The following IL16 variants were observed in gnomAD, a reference collection of about 807,000 sequenced individuals.
The protein encoded by IL16 is interleukin 16.
Under a neutral mutation model 110.1 loss-of-function variants are expected in IL16, and 67 were observed. The observed-to-expected ratio is 0.61, with a 90% CI of 0.50 to 0.75. The LOEUF is 0.75. IL16 is among the 30% of genes least tolerant of loss of function. The pLI is 0.00. For synonymous variants in IL16, 689 were observed against 662.9 expected (o/e 1.04, Z -0.61); for missense variants, 1,545 against 1,655.0 (o/e 0.93, Z 1.15).
Position 81,265,716 on chromosome 15 carries a change from C to A in IL16, c.479C>A (p.Ala160Glu). 1 of 1,613,750 alleles carries A rather than the reference C, an allele frequency of 6.2e-7. No homozygotes were observed. Among genetic ancestry groups the A allele is most frequent in the Non-Finnish European group, 8.5e-7 (1 of 1,179,746 alleles). ...IDFPMTKKSA[A>E]PTDRQPYSLC... ...TTTCCAATGACCAAGAAATCTGCAG[C>A]GCCCACGGACAGGCAGCCTTACTCT... The change falls in exon 4 of 19, where the codon GCG becomes GAG. Residue 160 changes from alanine (A) to glutamate (E), a missense_variant. By Grantham distance (107) the Ala-to-Glu change is moderately radical. Coordinates refer to ENST00000683961, the MANE Select transcript of IL16 (RefSeq NM_172217.5).
chr15:81,282,607 G>C (rs143702320), intron 8 of IL16, 32 bp from the exon 9 acceptor site: 2 of 1,548,086 alleles, frequency 1.3e-6, no homozygotes, highest in East Asian at 2.3e-5. Flanking sequence ...GCTCAGTCCC[G>C]GTCTCCCCAC....
At chr15:81,300,824 TACTC>T (rs1481590062) in intron 14 of IL16, among the ~76,000 whole-genome samples, 2 of 152,218 alleles carry the variant, frequency 1.3e-5, no homozygotes, top group Non-Finnish European at 2.9e-5. Context: ...GTCCTGCGGT[TACTC>T]AGAAAGACCA....
chr15:81,187,673 A>G (rs959668854), intron 1 of IL16, among the ~76,000 whole-genome samples: 5 of 152,188 alleles, frequency 3.3e-5, no homozygotes, highest in African/African-American at 9.6e-5. Context: ...ATTTTTGCTG[A>G]TAATACACAA....
intron 14 of IL16, among the ~76,000 whole-genome samples, 173 bp downstream of exon 14, chr15:81,300,648 T>G (rs1054691852): frequency 1.3e-5 from 2 of 151,742 alleles, no homozygotes; most frequent in African/African-American, 2.4e-5. Flanking sequence ...TGTGTGTGTC[T>G]GTCTGTAGGT....
intron 10 of IL16, among the ~76,000 whole-genome samples, chr15:81,288,898 G>T (rs1055158262): frequency 6.6e-6 from 1 of 151,928 alleles, no homozygotes; most frequent in South Asian, 2.1e-4. Flanking sequence ...GGGTACTTGG[G>T]TTGTTTCCAC....
In IL16 at chr15:81,309,633, A is replaced by C. The variant is rs1900750324; in HGVS notation, c.*835A>C. On this transcript the variant is annotated 3_prime_UTR_variant, in exon 19 of 19. Transcript: ENST00000683961. ...AAATTGTTTTTGGTTGGATTGGAGA[A>C]GTAATCCTAGGGAAGGGTGGTGGAG... is the stretch of plus-strand genomic sequence containing the variant. 1 of 152,226 alleles carries C rather than the reference A, an allele frequency of 6.6e-6. No individual in the cohort carries two copies. The highest frequency in any genetic ancestry group is 2.4e-5 in the African/African-American group (1 of 41,454). 9.4% of individuals were successfully genotyped at this position (152,226 alleles called of 1,614,324 possible). A position where few individuals can be genotyped will look rare whatever the true frequency, so the allele number is the denominator to read the frequency against.
intron 2 of IL16, among the ~76,000 whole-genome samples, chr15:81,246,567 G>T (rs142060430): frequency 6.6e-6 from 1 of 152,246 alleles, no homozygotes; most frequent in East Asian, 1.9e-4. Context: ...TTATATTCAT[G>T]AGTGTGATGG....
rs754368488 is a variant in IL16, at chr15:81,259,827, G to A, written c.368G>A (p.Ser123Asn). 6.2e-7 allele frequency: 1 copy of A among 1,614,020 alleles called. No individual in the cohort carries two copies. The highest frequency in any genetic ancestry group is 8.5e-7 in the Non-Finnish European group (1 of 1,179,936). Residue 123 changes from serine to asparagine, a missense_variant, in exon 3 of 19, where the codon AGT becomes AAT. By Grantham distance (46) the Ser-to-Asn change is conservative (BLOSUM62 1). Around this residue, in one of 3 missense-constraint regions of IL16, gnomAD observed 1,185 missense variants for 1,238.8 expected, o/e 0.96. Transcript: ENST00000683961. ...EKPGKLEAQS[S>N]NFLFPKACHQ... is the part of the protein sequence containing the mutation. ...CCTGGAAAACTAGAAGCACAAAGTA[G>A]TAACTTCCTGTTTCCTAAAGCCTGC...
intron 1 of IL16, among the ~76,000 whole-genome samples, chr15:81,208,415 C>T (rs1228558868): frequency 6.6e-6 from 1 of 152,192 alleles, no homozygotes; most frequent in African/African-American, 2.4e-5. Flanking sequence ...CAATCTCTGC[C>T]TCCCAGGTTC....
chr15:81,243,159 A>ATT (rs1260955323), intron 2 of IL16, among the ~76,000 whole-genome samples: 3 of 33,012 alleles, frequency 9.1e-5, no homozygotes, highest in East Asian at 9.1e-4. Flanking sequence ...ATATATATAT[A>ATT]TATATTTTTT....
chr15:81,282,546 C>A, intron 8 of IL16, 93 bp from the exon 9 acceptor site: 1 of 880,794 alleles, frequency 1.1e-6, no homozygotes, highest in Non-Finnish European at 1.9e-6. Context: ...GCTGTAATAA[C>A]CAGGGGGCCA....
Position 81,311,689 on chromosome 15 carries a change from A to C in IL16, c.*2891A>C, listed in dbSNP as rs1900862332. 1 of 152,272 alleles carries C rather than the reference A, an allele frequency of 6.6e-6. No homozygotes were observed. The allele number at this position is 152,272 out of a possible 1,614,324, so 9.4% of individuals were successfully genotyped here. A position where few individuals can be genotyped will look rare whatever the true frequency, so the allele number is the denominator to read the frequency against. ...TGAAGTTTCCTTGGCTGGTGCACCT[A>C]GAATTGGCTGAACTCATGAGAAGTT... On this transcript the variant is annotated 3_prime_UTR_variant, in exon 19 of 19. Coordinates refer to ENST00000683961, the MANE Select transcript of IL16 (RefSeq NM_172217.5).
intron 2 of IL16, among the ~76,000 whole-genome samples, chr15:81,258,759 C>G (rs530201867): frequency 3.5e-4 from 49 of 141,892 alleles, no homozygotes; most frequent in African/African-American, 8.9e-4. Flanking sequence ...GTCACTCGCT[C>G]TCTCTCTCTC....
Position 81,238,198 on chromosome 15 carries a change from G to A in IL16, c.312+12487G>A, listed in dbSNP as rs1407706953. ...ATTACAGGCGTGAGCCACTGCGCCC[G>A]GCCTAGTCTCTGTATTTTAACTGGT... is the stretch of plus-strand genomic sequence containing the variant. On this transcript the variant is annotated intron_variant, in intron 2 of 18. Coordinates refer to ENST00000683961, the MANE Select transcript of IL16 (RefSeq NM_172217.5). Among the ~76,000 whole-genome samples, 3 of 152,084 alleles carry A rather than the reference G, an allele frequency of 2.0e-5. No homozygotes were observed. In the East Asian group the frequency reaches 5.8e-4, roughly 29 times the overall value.
At chr15:81,183,045 GAGTGTGTGTGCACACGTGTA>G (rs1004829892) in intron 1 of IL16, 10 of 425,746 alleles carry the variant, frequency 2.3e-5, no homozygotes, top group African/African-American at 1.6e-4. Flanking sequence ...GCACACGTGT[GAGTGTGTGTGCACACGTGTA>G]AGTGTGTGCA....
At chr15:81,301,675 C>T (rs966336611) in intron 15 of IL16, among the ~76,000 whole-genome samples, 163 bp downstream of exon 15, 9 of 152,350 alleles carry the variant, frequency 5.9e-5, no homozygotes, top group Middle Eastern at 3.4e-3. Context: ...ACAGTAAGAC[C>T]TTCCATTTGA....
intron 2 of IL16, among the ~76,000 whole-genome samples, chr15:81,243,163 ATTT>A (rs1219851899): frequency 8.1e-3 from 120 of 14,894 alleles, no homozygotes; most frequent in African/African-American, 0.027. Context: ...ATATATATAT[ATTT>A]TTTTTTTTTT....
At chr15:81,241,217 A>G (rs1167715886) in intron 2 of IL16, among the ~76,000 whole-genome samples, 1 of 151,988 alleles carries the variant, frequency 6.6e-6, no homozygotes, top group Non-Finnish European at 1.5e-5. Flanking sequence ...TAAAACAAGT[A>G]TTGTTCTCTT....
chr15:81,306,793 G>T lies in IL16; in HGVS notation c.3805+248G>T. On this transcript the variant is annotated intron_variant, in intron 18 of 18. Transcript: ENST00000683961. ...ATACCTAAGTCCTGGGCTTGGTTCG[G>T]GTTGGCAGGGCCAGGACTCTAGAGT... 3 of 524,230 alleles carry T rather than the reference G, an allele frequency of 5.7e-6. No individual in the cohort carries two copies. In the South Asian group the frequency reaches 5.8e-5, roughly 10 times the overall value. 32.5% of individuals were successfully genotyped at this position (524,230 alleles called of 1,614,324 possible). A position where few individuals can be genotyped will look rare whatever the true frequency, so the allele number is the denominator to read the frequency against.
Sources: allele counts gnomAD v4.1 joint callset (sites outside exome capture counted in the v4.1 genomes callset), GRCh38; gene constraint gnomAD v4.1.1; regional missense constraint gnomAD v4.1.1; transcripts MANE v1.5; gene names NCBI Gene and HGNC (gene_info 2026-07-23, HGNC 2026-07-21).